Variants in GJA5 observed in about 807,000 individuals in gnomAD.
The protein encoded by GJA5 is gap junction protein alpha 5, also known as gap junction alpha-5 protein.
GJA5 carries 3 observed loss-of-function variants against 7.9 expected under a neutral mutation model. The observed-to-expected ratio is 0.38, with a 90% confidence interval of 0.17 to 0.99. The LOEUF (loss-of-function observed/expected upper bound fraction) is 0.99, where lower values mean the gene tolerates loss of function less well. Ranked by LOEUF, GJA5 falls within the 50% of genes least tolerant of loss-of-function variation. The pLI is 0.38. For missense variants in GJA5, 390 were observed against 457.9 expected (o/e 0.85, Z 1.35); for synonymous variants, 193 against 181.0 (o/e 1.07, Z -0.53).
At position 147,757,904 on chromosome 1, in the gene GJA5, T is replaced by A; in HGVS notation, c.*258A>T. On this transcript the variant is annotated 3_prime_UTR_variant, in exon 2 of 2. Transcript: ENST00000579774. ...TTCCCTTCTTTCCCTCTACCCTGTT[T>A]CATGAGTAATCTGAAAGGCTTCGTA... 1.9e-6 allele frequency: 1 copy of A among 526,870 alleles called. No homozygotes were observed. Among genetic ancestry groups the A allele is most frequent in the South Asian group, 2.1e-5 (1 of 47,456 alleles). 32.6% of individuals were successfully genotyped at this position (526,870 alleles called of 1,614,324 possible). A position where few individuals can be genotyped will look rare whatever the true frequency, so the allele number is the denominator to read the frequency against.
At chr1:147,767,129 G>A (rs1664233206) in intron 1 of GJA5, among the ~76,000 whole-genome samples, 2 of 152,214 alleles carry the variant, frequency 1.3e-5, no homozygotes, top group South Asian at 4.1e-4. Flanking sequence ...AAATGGGTAT[G>A]TAGGGAGAAT....
chr1:147,769,741 T>C (rs1664329961), intron 1 of GJA5, among the ~76,000 whole-genome samples: 1 of 151,924 alleles, frequency 6.6e-6, no homozygotes, highest in African/African-American at 2.4e-5. Flanking sequence ...GTCTACAAAT[T>C]AGTTATCTCA....
At chr1:147,767,470 C>A (rs1266712429) in intron 1 of GJA5, among the ~76,000 whole-genome samples, 1 of 148,142 alleles carries the variant, frequency 6.8e-6, no homozygotes, top group Non-Finnish European at 1.5e-5. Flanking sequence ...TCACTGGAAC[C>A]TTGACCTCCT....
upstream of GJA5, among the ~76,000 whole-genome samples, chr1:147,762,843 C>T (rs1175459812): frequency 6.6e-6 from 1 of 152,170 alleles, no homozygotes; most frequent in South Asian, 2.1e-4. Context: ...GTTTACTGGG[C>T]GTATAGCATA....
At chr1:147,761,349 C>G (rs958087839), upstream of GJA5, among the ~76,000 whole-genome samples, 2 of 152,148 alleles carry the variant, frequency 1.3e-5, no homozygotes, top group African/African-American at 2.4e-5. Flanking sequence ...ATTCTTCATG[C>G]TTATGGGGAA....
At chr1:147,772,715 G>A (rs1571083944) in intron 1 of GJA5, among the ~76,000 whole-genome samples, 2 of 148,368 alleles carry the variant, frequency 1.3e-5, no homozygotes, top group East Asian at 4.0e-4. Flanking sequence ...TGTGGCCACT[G>A]CACAGCGGGG....
rs587673022 is a variant in GJA5 at position 147,756,400 on chromosome 1, T to C, written c.*1762A>G. The C allele has an allele frequency of 6.6e-6, 1 of 152,340 alleles. No homozygotes were observed. The highest frequency in any genetic ancestry group is 2.4e-5 in the African/African-American group (1 of 41,570). The allele number at this position is 152,340 out of a possible 1,614,324, so 9.4% of individuals were successfully genotyped here. A position where few individuals can be genotyped will look rare whatever the true frequency, so the allele number is the denominator to read the frequency against. ...AGGTGTCCCCTCCAGGGACCCGGGA[T>C]GATCAGACATTCCTTCCTAAATGGC... On this transcript the variant is annotated 3_prime_UTR_variant, in exon 2 of 2. Coordinates refer to ENST00000579774, the MANE Select transcript of GJA5 (RefSeq NM_181703.4).
At chr1:147,764,263 C>G (rs1664122469), upstream of GJA5, among the ~76,000 whole-genome samples, 1 of 152,194 alleles carries the variant, frequency 6.6e-6, no homozygotes, top group African/African-American at 2.4e-5. Context: ...TAAAATTGAC[C>G]TCAGCCCTCT....
chr1:147,765,042 T>C (rs1553227990), upstream of GJA5, among the ~76,000 whole-genome samples: 1 of 152,092 alleles, frequency 6.6e-6, no homozygotes, highest in African/African-American at 2.4e-5. Flanking sequence ...TGCAAAGAGG[T>C]CCTAAGGAGG....
rs145243347 is a variant in GJA5, at chr1:147,769,480, G to A, written c.-34+3772C>T. Among the ~76,000 whole-genome samples, 377 of 152,314 alleles carry A rather than the reference G, an allele frequency of 2.5e-3. 1 individual carries two copies. The highest frequency in any genetic ancestry group is 3.6e-3 in the Non-Finnish European group (244 of 68,034). On this transcript the variant is annotated intron_variant, in intron 1 of 1. Transcript: ENST00000430508. ...TGTTTATTCATGGGGATAACGTAAT[G>A]TGTGGACATGTGGAGTCACCTAGAA...
intron 1 of GJA5, among the ~76,000 whole-genome samples, chr1:147,772,081 G>C (rs1457068565): frequency 6.6e-6 from 1 of 152,120 alleles, no homozygotes; most frequent in Non-Finnish European, 1.5e-5. Flanking sequence ...ACCTCCACAC[G>C]CTCCCCTTGG....
Position 147,758,129 on chromosome 1 carries a change from C to G in GJA5, c.*33G>C, listed in dbSNP as rs781804547. On this transcript the variant is annotated 3_prime_UTR_variant, in exon 2 of 2. Transcript: ENST00000579774. ...CTTTCCTCTCTGAGCCTCCTTTGTT[C>G]CCACCTGGTCCTGATCCTCCCATAA... The G allele has an allele frequency of 7.0e-7, 1 of 1,421,476 alleles. No individual in the cohort carries two copies. The allele number at this position is 1,421,476 out of a possible 1,614,324, so 88.1% of individuals were successfully genotyped here.
chr1:147,758,315 A>G lies in GJA5; in HGVS notation c.924T>C (p.Pro308=). Residue 308 remains proline (P), a synonymous_variant, in exon 2 of 2, where the codon CCT becomes CCC. Coordinates refer to ENST00000579774, the MANE Select transcript of GJA5 (RefSeq NM_181703.4). The part of the protein sequence containing the change: ...TEQVRGQEQT[P]GEGFIQVRYG... ...AACGAACCTGGATGAAACCTTCCCCAGGAGTCTGCTCCTGACCTCGTACTT... is the reference window on the plus strand; with the variant it reads ...AACGAACCTGGATGAAACCTTCCCCGGGAGTCTGCTCCTGACCTCGTACTT... 6 of 1,614,188 alleles carry G rather than the reference A, an allele frequency of 3.7e-6. No individual in the cohort carries two copies. Among genetic ancestry groups the G allele is most frequent in the South Asian group, 1.1e-5 (1 of 91,084 alleles).
intron 1 of GJA5, among the ~76,000 whole-genome samples, chr1:147,767,207 T>C (rs1224398880): frequency 6.6e-6 from 1 of 152,160 alleles, no homozygotes; most frequent in Non-Finnish European, 1.5e-5. Flanking sequence ...TATTCCCAAC[T>C]ACGTCTTCTA....
chr1:147,758,436 T>C lies in GJA5; in HGVS notation c.803A>G (p.Asn268Ser). The change falls in exon 2 of 2, where the codon AAT becomes AGT. Residue 268 changes from asparagine (N) to serine (S), a missense_variant. Asn to Ser is a conservative substitution (Grantham distance 46). This residue lies in a region of GJA5 where 354 missense variants were observed against 370.9 expected (regional missense o/e 0.95). Coordinates refer to ENST00000579774, the MANE Select transcript of GJA5 (RefSeq NM_181703.4). ...CCCAGGGCCATTCTCCAGGCACTGA[T>C]TAAAGTCGGGGGGTGGTGTGCAGCT... The part of the protein sequence containing the change: ...VQSCTPPPDF[N>S]QCLENGPGGK... The C allele has an allele frequency of 1.2e-6, 2 of 1,614,134 alleles. No individual in the cohort carries two copies. The highest frequency in any genetic ancestry group is 1.7e-6 in the Non-Finnish European group (2 of 1,179,998).
At chr1:147,765,500 G>T (rs1327677938), upstream of GJA5, among the ~76,000 whole-genome samples, 1 of 152,318 alleles carries the variant, frequency 6.6e-6, no homozygotes, top group South Asian at 2.1e-4. Context: ...GGAGTTAGGG[G>T]TATGTGATGT....
intron 1 of GJA5, among the ~76,000 whole-genome samples, chr1:147,766,837 C>G (rs75666853): frequency 0.089 from 13,589 of 152,168 alleles, 803 homozygotes; most frequent in Non-Finnish European, 0.12. Context: ...ACTCACCATA[C>G]AGTGGAATGT....
chr1:147,766,408 A>G (rs960715553), intron 1 of GJA5, among the ~76,000 whole-genome samples: 5 of 152,168 alleles, frequency 3.3e-5, no homozygotes, highest in Admixed American at 3.3e-4. Context: ...AAAGGATGAG[A>G]ATGCACACAG....
intron 1 of GJA5, chr1:147,773,249 T>TA (rs776004162): frequency 6.6e-6 from 1 of 152,286 alleles, no homozygotes; most frequent in Non-Finnish European, 1.5e-5. Context: ...AGTCTACTCT[T>TA]ACCTGCTTCT....
Sources: allele counts gnomAD v4.1 joint callset (sites outside exome capture counted in the v4.1 genomes callset), GRCh38; gene constraint gnomAD v4.1.1; regional missense constraint gnomAD v4.1.1; transcripts MANE v1.5; gene names NCBI Gene and HGNC (gene_info 2026-07-23, HGNC 2026-07-21).